SYT7: variants seen among roughly 807,000 people sequenced by gnomAD.
SYT7 encodes the protein synaptotagmin-7.
SYT7 carries 29 observed loss-of-function variants against 75.1 expected under a neutral mutation model. The ratio of observed to expected loss-of-function variants is 0.39; its 90% CI spans 0.29 to 0.53. The LOEUF (loss-of-function observed/expected upper bound fraction) is 0.53, where lower values mean the gene tolerates loss of function less well. Among genes scored for constraint, SYT7 ranks in the 20% least tolerant of loss-of-function variants. The pLI, the probability that SYT7 is intolerant of heterozygous loss-of-function variation, is 0.77. For synonymous variants in SYT7, 376 were observed against 401.7 expected, an observed-to-expected ratio of 0.94 and a Z score of 0.76; for missense variants, 693 against 953.2, an observed-to-expected ratio of 0.73 and a Z score of 3.59.
At position 61,528,132 on chromosome 11, in the gene SYT7, G is replaced by A; in HGVS notation, c.1254C>T (p.Asn418=). The A allele has an allele frequency of 6.2e-7, 1 of 1,613,316 alleles. No homozygotes were observed. The highest frequency in any genetic ancestry group is 8.5e-7 in the Non-Finnish European group (1 of 1,180,020). ...DEAHEGCSRE[N]LGRIQFSVGY... The stretch of plus-strand genomic sequence containing the variant: ...CGACACTGAACTGGATCCGGCCCAG[G>A]TTCTCTCGGCTGCAACCCTCGTGGG... The change falls in exon 9 of 13, where the codon AAC becomes AAT. Residue 418 remains asparagine, a synonymous_variant. Coordinates refer to ENST00000539008, the MANE Select transcript of SYT7 (RefSeq NM_001365809.2).
chr11:61,525,341 T>C (rs934406930), intron 9 of SYT7, among the ~76,000 whole-genome samples: 1 of 152,198 alleles, frequency 6.6e-6, no homozygotes, highest in Admixed American at 6.5e-5. Context: ...CTTCAAGTCC[T>C]TCCACAATTT....
chr11:61,580,870 C>T lies in SYT7; in HGVS notation c.-50G>A. On this transcript the variant is annotated 5_prime_UTR_variant, in exon 1 of 13. Coordinates refer to ENST00000539008, the MANE Select transcript of SYT7 (RefSeq NM_001365809.2). The surrounding 1 kb of genome is among the most constrained non-coding windows in gnomAD (Gnocchi z 6.1). ...CGGGCTCCTCAGAGCCGCCCGCGGC[C>T]GCGCGCTGCTCCGCCGCCGCCGCTG... 1.7e-6 allele frequency: 2 copies of T among 1,174,766 alleles called. No homozygotes were observed. Among genetic ancestry groups the T allele is most frequent in the Admixed American group, 4.6e-5 (1 of 21,576 alleles). The allele number at this position is 1,174,766 out of a possible 1,614,324, so 72.8% of individuals were successfully genotyped here.
intron 6 of SYT7, among the ~76,000 whole-genome samples, chr11:61,539,144 C>T (rs1005317019): frequency 5.3e-5 from 8 of 152,170 alleles, no homozygotes; most frequent in African/African-American, 1.7e-4. Context: ...TTGGCAAGGT[C>T]TGGAGAAGTT....
At position 61,576,111 on chromosome 11, in the gene SYT7, G is replaced by A. The variant is rs373447880; in HGVS notation, c.31+4679C>T. Among the ~76,000 whole-genome samples, 15 of 152,360 alleles carry A rather than the reference G, an allele frequency of 9.8e-5. No homozygotes were observed. In the South Asian group the frequency reaches 3.1e-3, roughly 32 times the overall value. The stretch of plus-strand genomic sequence containing the variant: ...ATTCCAGGCCAAAGCTCTGGGCACA[G>A]TCCAGCCCTTTCCACAAGTCCCATG... On this transcript the variant is annotated intron_variant, in intron 1 of 12. Transcript: ENST00000539008. This position sits in a 1 kb window ranked among gnomAD's most constrained non-coding sequence, Gnocchi z 4.1.
Position 61,523,719 on chromosome 11 carries a change from C to G in SYT7, c.1756+108G>C. 4.4e-6 allele frequency: 5 copies of G among 1,149,188 alleles called. No homozygotes were observed. In the South Asian group the frequency reaches 7.0e-5, roughly 16 times the overall value. The allele number at this position is 1,149,188 out of a possible 1,614,324, so 71.2% of individuals were successfully genotyped here. A position where few individuals can be genotyped will look rare whatever the true frequency, so the allele number is the denominator to read the frequency against. On this transcript the variant is annotated intron_variant, in intron 11 of 12. Coordinates refer to ENST00000539008, the MANE Select transcript of SYT7 (RefSeq NM_001365809.2). This position sits in a 1 kb window ranked among gnomAD's most constrained non-coding sequence, Gnocchi z 5.0. ...GTGAGGACTGGAGGTCGGGGTGTGGCGGGTTGGGGTGAGGACCACTGCAGA... is the reference window on the plus strand; with the variant it reads ...GTGAGGACTGGAGGTCGGGGTGTGGGGGGTTGGGGTGAGGACCACTGCAGA...
chr11:61,583,269 C>A (rs546141540), upstream of SYT7, among the ~76,000 whole-genome samples: 2 of 152,158 alleles, frequency 1.3e-5, no homozygotes, highest in Admixed American at 1.3e-4. Flanking sequence ...CCTCCCACAA[C>A]AGATGGGCAC....
At position 61,578,366 on chromosome 11, in the gene SYT7, AT is replaced by A. The variant is rs563984764; in HGVS notation, c.31+2423del. ...GGCAAAGGGGAGCAGGAGAGGACAG[AT>A]TTTTTTTTTTTTAAGGATTGGGCCG... On this transcript the variant is annotated intron_variant, in intron 1 of 12. Coordinates refer to ENST00000539008, the MANE Select transcript of SYT7 (RefSeq NM_001365809.2). Among the ~76,000 whole-genome samples the A allele has an allele frequency of 1.8e-3, 258 of 145,446 alleles. 1 individual carries two copies. Among genetic ancestry groups the A allele is most frequent in the Middle Eastern group, 3.6e-3 (1 of 276 alleles).
intron 1 of SYT7, among the ~76,000 whole-genome samples, chr11:61,577,581 C>T (rs1212295038): frequency 6.6e-6 from 1 of 152,256 alleles, no homozygotes; most frequent in African/African-American, 2.4e-5. Context: ...TGCCCAGTGA[C>T]TGGAGGGTTG....
intron 1 of SYT7, among the ~76,000 whole-genome samples, chr11:61,571,575 C>T (rs1272831368): frequency 2.0e-5 from 3 of 152,206 alleles, no homozygotes; most frequent in Non-Finnish European, 2.9e-5. Context: ...CGTCACATCC[C>T]GCACCTGCCG....
Position 61,518,549 on chromosome 11 carries a change from G to T in SYT7, c.*78C>A. ...CCCCTCCCTATGGCAGGGGGCTCAG[G>T]CCGGGCGTTGTGCATAAAGTGGTGA... On this transcript the variant is annotated 3_prime_UTR_variant, in exon 13 of 13. Transcript: ENST00000539008. 3 of 1,082,076 alleles carry T rather than the reference G, an allele frequency of 2.8e-6. No homozygotes were observed. The highest frequency in any genetic ancestry group is 1.6e-5 in the African/African-American group (1 of 62,374). 67.0% of individuals were successfully genotyped at this position (1,082,076 alleles called of 1,614,324 possible).
rs2135011887 is a variant in SYT7 at position 61,518,687 on chromosome 11, C to T, written c.2001G>A (p.Trp667Ter). The part of the protein sequence containing the change: ...WKSGPGEVKH[W>*]KDMIARPRQP... ...GCCGGGGACGGGCAATCATGTCCTT[C>T]CAGTGCTTCACCTCCCCTGGCCCGC... is the stretch of plus-strand genomic sequence containing the variant. The change falls in exon 13 of 13, where the codon TGG becomes TGA. Residue 667 changes from tryptophan to a stop codon, truncating the protein, a stop_gained. Transcript: ENST00000539008. LOFTEE classifies it high-confidence loss of function. 6.4e-7 allele frequency: 1 copy of T among 1,550,424 alleles called. No homozygotes were observed. Among genetic ancestry groups the T allele is most frequent in the Non-Finnish European group, 8.7e-7 (1 of 1,146,230 alleles).
intron 7 of SYT7, among the ~76,000 whole-genome samples, chr11:61,537,165 A>C (rs967276435): frequency 1.3e-5 from 2 of 152,208 alleles, no homozygotes; most frequent in Non-Finnish European, 2.9e-5. Flanking sequence ...GATGGGAAGC[A>C]GACCCAATCA....
intron 6 of SYT7, among the ~76,000 whole-genome samples, chr11:61,539,229 G>T (rs2062971497): frequency 6.6e-6 from 1 of 152,188 alleles, no homozygotes; most frequent in Non-Finnish European, 1.5e-5. Context: ...GGCTGAACGG[G>T]GAGGGGGTAG....
the SYT7 span, among the ~76,000 whole-genome samples, chr11:61,587,699 C>T: frequency 4.6e-3 from 703 of 152,344 alleles, 8 homozygotes; most frequent in African/African-American, 0.016. Flanking sequence ...AAACGCCCGG[C>T]CTGGGCTCGA....
intron 1 of SYT7, among the ~76,000 whole-genome samples, chr11:61,558,904 G>A (rs755396271): frequency 4.1e-4 from 62 of 152,060 alleles, no homozygotes; most frequent in Non-Finnish European, 7.1e-4. Flanking sequence ...CACCACACCC[G>A]GCTAATTTTT....
intron 3 of SYT7, among the ~76,000 whole-genome samples, chr11:61,548,862 C>A (rs578000052): frequency 6.6e-6 from 1 of 152,372 alleles, no homozygotes; most frequent in South Asian, 2.1e-4. Flanking sequence ...AGACAGATTT[C>A]TCTGTCCAGA....
At position 61,551,106 on chromosome 11, in the gene SYT7, C is replaced by T. The variant is rs890613174; in HGVS notation, c.215+278G>A. Reference sequence around the variant, plus strand: ...GTGATAGGAGGGTGGGATGAGAAAGCGGCAACCAGGGTTGAGGTGGGCGCA... The same window carrying T: ...GTGATAGGAGGGTGGGATGAGAAAGTGGCAACCAGGGTTGAGGTGGGCGCA... On this transcript the variant is annotated intron_variant, in intron 3 of 12. Coordinates refer to ENST00000539008, the MANE Select transcript of SYT7 (RefSeq NM_001365809.2). The surrounding 1 kb of genome is among the most constrained non-coding windows in gnomAD (Gnocchi z 5.3). Among the ~76,000 whole-genome samples, 3 of 152,042 alleles carry T rather than the reference C, an allele frequency of 2.0e-5. No homozygotes were observed. The highest frequency in any genetic ancestry group is 1.9e-4 in the East Asian group (1 of 5,174).
chr11:61,542,450 G>C lies in SYT7; in HGVS notation c.702C>G (p.His234Gln). ...QQSLQQPLSQHQRGRQPSQPT... is the reference protein window; with the variant it reads ...QQSLQQPLSQQQRGRQPSQPT... ...GCTGGCTGGGCTGCCGGCCCCGCTG[G>C]TGCTGGCTCAGCGGCTGTTGCAGGC... The change falls in exon 6 of 13, where the codon CAC becomes CAG. Residue 234 changes from histidine to glutamine, a missense_variant. His to Gln is a conservative substitution (Grantham distance 24, BLOSUM62 0). Coordinates refer to ENST00000539008, the MANE Select transcript of SYT7 (RefSeq NM_001365809.2). The surrounding 1 kb of genome is among the most constrained non-coding windows in gnomAD (Gnocchi z 7.8). 2 of 1,532,986 alleles carry C rather than the reference G, an allele frequency of 1.3e-6. No individual in the cohort carries two copies. The highest frequency in any genetic ancestry group is 1.7e-6 in the Non-Finnish European group (2 of 1,146,138). 95.0% of individuals were successfully genotyped at this position (1,532,986 alleles called of 1,614,324 possible). A position where few individuals can be genotyped will look rare whatever the true frequency, so the allele number is the denominator to read the frequency against.
At position 61,551,899 on chromosome 11, in the gene SYT7, G is replaced by A. The variant is rs1412212416; in HGVS notation, c.136-436C>T. On this transcript the variant is annotated intron_variant, in intron 2 of 12. Transcript: ENST00000539008. The surrounding 1 kb of genome is among the most constrained non-coding windows in gnomAD (Gnocchi z 5.3). Reference sequence around the variant, plus strand: ...GGCAAGGTTGGCAGTGGCCAGTGATGTGAGCAGTGGGGGCGGGGAGAAGGC... The same window carrying A: ...GGCAAGGTTGGCAGTGGCCAGTGATATGAGCAGTGGGGGCGGGGAGAAGGC... 5.9e-5 allele frequency among the ~76,000 whole-genome samples: 9 copies of A among 152,168 alleles called. No homozygotes were observed.
Sources: allele counts gnomAD v4.1 joint callset (sites outside exome capture counted in the v4.1 genomes callset), GRCh38; gene constraint gnomAD v4.1.1; non-coding constraint Gnocchi (gnomAD v3.1); transcripts MANE v1.5; gene names NCBI Gene and HGNC (gene_info 2026-07-23, HGNC 2026-07-21).